The following PIDD1 variants were observed in gnomAD, a reference collection of about 807,000 sequenced individuals.
PIDD1 encodes the protein p53-induced death domain-containing protein 1.
PIDD1 carries 72 observed loss-of-function variants against 80.0 expected under a neutral mutation model. The ratio of observed to expected loss-of-function variants is 0.90; its 90% CI spans 0.74 to 1.09. The LOEUF (loss-of-function observed/expected upper bound fraction) is 1.09, where lower values mean the gene tolerates loss of function less well. Among genes scored for constraint, PIDD1 ranks in the 50% least tolerant of loss-of-function variants. The probability of loss-of-function intolerance (pLI) is 0.00; values close to 1 mark genes in which losing one functional copy is unlikely to be tolerated. For missense variants in PIDD1, 1,329 were observed against 1,228.3 expected (o/e 1.08, Z -1.23); for synonymous variants, 655 against 543.5 (o/e 1.21, Z -2.85).
intron 6 of PIDD1, 41 bp downstream of exon 6, chr11:802,154 G>T: frequency 6.4e-7 from 1 of 1,564,658 alleles, no homozygotes; most frequent in Non-Finnish European, 8.7e-7. Context: ...CCCCTGCCAT[G>T]CCCTGGCCCA....
At chr11:799,635 C>T (rs573253480) in intron 15 of PIDD1, 70 bp from the exon 16 acceptor site, 31 of 1,501,184 alleles carry the variant, frequency 2.1e-5, no homozygotes, top group South Asian at 1.2e-4. Context: ...CACTCTGCCT[C>T]GGAGTGTGGG....
chr11:804,423 C>A lies in PIDD1; in HGVS notation c.-35G>T, dbSNP rs753780852. 3.2e-6 allele frequency: 5 copies of A among 1,551,452 alleles called. No individual in the cohort carries two copies. Among genetic ancestry groups the A allele is most frequent in the Non-Finnish European group, 4.4e-6 (5 of 1,149,062 alleles). On this transcript the variant is annotated 5_prime_UTR_variant, in exon 2 of 16. Coordinates refer to ENST00000347755, the MANE Select transcript of PIDD1 (RefSeq NM_145886.4). Reference sequence around the variant, plus strand: ...ACGGTCCTTGGAGGCCAGACATGTCCCAGCACGCAGGCAGGCCTGTCCAGG... The same window carrying A: ...ACGGTCCTTGGAGGCCAGACATGTCACAGCACGCAGGCAGGCCTGTCCAGG...
chr11:799,467 TCCAGGGCCTGCA>T lies in PIDD1; in HGVS notation c.2561_2572del (p.Val854_Leu857del), dbSNP rs768085499. 2 of 1,609,684 alleles carry T rather than the reference TCCAGGGCCTGCA, an allele frequency of 1.2e-6. No individual in the cohort carries two copies. Among genetic ancestry groups the T allele is most frequent in the Admixed American group, 3.3e-5 (2 of 60,012 alleles). ...AGCCACGTCCTGCCGGTCACTCTGC[TCCAGGGCCTGCA>T]CCAGGAGCCCCACAGCCCCTGGCTG... On this transcript the variant is annotated inframe_deletion, in exon 16 of 16. Transcript: ENST00000347755.
At chr11:806,479 A>G (rs1034001543), upstream of PIDD1, among the ~76,000 whole-genome samples, 4 of 151,492 alleles carry the variant, frequency 2.6e-5, no homozygotes, top group African/African-American at 4.9e-5. Flanking sequence ...TCTTCCTTCC[A>G]TTTCCCAGCT....
At chr11:804,618 G>A (rs1188433997) in intron 1 of PIDD1, 155 bp from the exon 2 acceptor site, 27 of 681,732 alleles carry the variant, frequency 4.0e-5, no homozygotes, top group Non-Finnish European at 5.9e-5. Context: ...GAACCCCGGA[G>A]GCCTGGGTCA....
chr11:803,667 C>G lies in PIDD1; in HGVS notation c.296-80G>C, dbSNP rs1056016489. 23 of 1,507,586 alleles carry G rather than the reference C, an allele frequency of 1.5e-5. No homozygotes were observed. The Admixed American group carries it at 2.6e-4, about 17-fold the overall frequency. The allele number at this position is 1,507,586 out of a possible 1,614,324, so 93.4% of individuals were successfully genotyped here. ...TCGACCCTGCCAGCCAGAGAAACAG[C>G]TGCTCGAGAGGCACAGACCTCCCAC... On this transcript the variant is annotated intron_variant, in intron 2 of 15. Coordinates refer to ENST00000347755, the MANE Select transcript of PIDD1 (RefSeq NM_145886.4).
At position 800,661 on chromosome 11, in the gene PIDD1, G is replaced by A. The variant is rs112432074; in HGVS notation, c.1923C>T (p.Asp641=). The A allele has an allele frequency of 1.6e-5, 25 of 1,582,736 alleles. No homozygotes were observed. The African/African-American group carries it at 1.9e-4, about 12-fold the overall frequency. Residue 641 remains aspartate (D), a synonymous_variant, in exon 12 of 16, where the codon GAC becomes GAT. Transcript: ENST00000347755. ...LLQCLPRNKV[D]ATLRRLLERY... Reference sequence around the variant, plus strand: ...GCTCCAGCAGCCGCCGAAGGGTGGCGTCCACCTGCGGGGAAGCCCGTGCAG... The same window carrying A: ...GCTCCAGCAGCCGCCGAAGGGTGGCATCCACCTGCGGGGAAGCCCGTGCAG...
intron 6 of PIDD1, 21 bp downstream of exon 6, chr11:802,171 GCCC>G: frequency 6.4e-7 from 1 of 1,573,850 alleles, no homozygotes; most frequent in Non-Finnish European, 8.6e-7. Context: ...CCCACACACT[GCCC>G]CCGCCACGCC....
In PIDD1 at chr11:802,270, G is replaced by A. The variant is rs61748609; in HGVS notation, c.1101C>T (p.Leu367=). ...RYRLLLPEPG[L]VPLGPHDALL... ...GGGCGTCATGAGGACCCAGGGGGAC[G>A]AGGCCTGGCTCCGGCAGCAGCAGCC... Residue 367 remains leucine, a synonymous_variant, in exon 6 of 16, where the codon CTC becomes CTT. Transcript: ENST00000347755. 8,050 of 1,611,802 alleles carry A rather than the reference G, an allele frequency of 5.0e-3. 352 individuals carry two copies. The African/African-American group carries it at 0.092, about 18-fold the overall frequency.
Position 800,626 on chromosome 11 carries a change from C to T in PIDD1, c.1958G>A (p.Gly653Asp). The part of the protein sequence containing the change: ...TLRRLLERYR[G>D]PEPSDTVEMF... ...CTCCACCGTGTCAGAGGGCTCGGGG[C>T]CCCGGTACCGCTCCAGCAGCCGCCG... Residue 653 changes from glycine (G) to aspartate (D), a missense_variant, in exon 12 of 16, where the codon GGC becomes GAC. Transcript: ENST00000347755. The T allele has an allele frequency of 1.3e-6, 2 of 1,599,090 alleles. No individual in the cohort carries two copies. Among genetic ancestry groups the T allele is most frequent in the Admixed American group, 1.7e-5 (1 of 59,436 alleles).
At position 799,814 on chromosome 11, in the gene PIDD1, C is replaced by G; in HGVS notation, c.2474+1G>C. ...CAGCCAGCGGGCAGTGGGAGCCTCA[C>G]CGGAACTCGTGCCGGATGCGCTGCA... On this transcript the variant is annotated splice_donor_variant, in intron 15 of 15. Coordinates refer to ENST00000347755, the MANE Select transcript of PIDD1 (RefSeq NM_145886.4). LOFTEE classifies it high-confidence loss of function. The G allele has an allele frequency of 6.4e-7, 1 of 1,567,782 alleles. No individual in the cohort carries two copies. The highest frequency in any genetic ancestry group is 8.6e-7 in the Non-Finnish European group (1 of 1,157,552).
rs903014006 is a variant in PIDD1, at chr11:802,667, T to G, written c.919+15A>C. ...TGTCCTATCCCAGGTCTGCCCCTTC[T>G]AGCACCAAGCCTACCTGGTGAACTC... is the stretch of plus-strand genomic sequence containing the variant. On this transcript the variant is annotated intron_variant, in intron 4 of 15. Coordinates refer to ENST00000347755, the MANE Select transcript of PIDD1 (RefSeq NM_145886.4). 38 of 1,608,308 alleles carry G rather than the reference T, an allele frequency of 2.4e-5. No individual in the cohort carries two copies. Among genetic ancestry groups the G allele is most frequent in the Non-Finnish European group, 3.1e-5 (36 of 1,177,054 alleles).
chr11:808,453 G>A (rs1486498320), upstream of PIDD1, among the ~76,000 whole-genome samples: 1 of 152,194 alleles, frequency 6.6e-6, no homozygotes, highest in Non-Finnish European at 1.5e-5. Flanking sequence ...TTGGGGCCGG[G>A]CGCGGTAGCT....
In PIDD1 at chr11:800,124, G is replaced by A. The variant is rs1406167246; in HGVS notation, c.2274+7C>T. Reference sequence around the variant, plus strand: ...TGCCCCGCCCCTCTGCTGTCCCTCAGTCCCACCGGCAGCTTGATGGGCAGA... The same window carrying A: ...TGCCCCGCCCCTCTGCTGTCCCTCAATCCCACCGGCAGCTTGATGGGCAGA... On this transcript the variant is annotated splice_region_variant and intron_variant, in intron 14 of 15. Transcript: ENST00000347755. The A allele has an allele frequency of 1.2e-6, 2 of 1,609,204 alleles. No homozygotes were observed. The highest frequency in any genetic ancestry group is 3.4e-5 in the Admixed American group (2 of 59,446).
rs1020358769 is a variant in PIDD1 at position 804,452 on chromosome 11, C to T, written c.-64G>A. 5 of 1,509,528 alleles carry T rather than the reference C, an allele frequency of 3.3e-6. No homozygotes were observed. Among genetic ancestry groups the T allele is most frequent in the South Asian group, 1.3e-5 (1 of 76,672 alleles). The allele number at this position is 1,509,528 out of a possible 1,614,324, so 93.5% of individuals were successfully genotyped here. ...CACGCAGGCAGGCCTGTCCAGGCAG[C>T]GCCCGGGGAAGCTGCAGAGGCAGGA... On this transcript the variant is annotated 5_prime_UTR_variant, in exon 2 of 16. Transcript: ENST00000347755.
At position 801,622 on chromosome 11, in the gene PIDD1, C is replaced by T. The variant is rs1865332829; in HGVS notation, c.1305G>A (p.Arg435=). Residue 435 remains arginine, a splice_region_variant and synonymous_variant, in exon 8 of 16, where the codon CGG becomes CGA. Transcript: ENST00000347755. Reference sequence around the variant, plus strand: ...GGGGCACCTGGCAGTGAGCCCAGAGCCGCTGGGATGGGGGAGAGAGGAGGT... The same window carrying T: ...GGGGCACCTGGCAGTGAGCCCAGAGTCGCTGGGATGGGGGAGAGAGGAGGT... ...ETYLEEEAPQ[R]LWAHCQVPHF... 2.6e-6 allele frequency: 4 copies of T among 1,520,104 alleles called. No homozygotes were observed. The highest frequency in any genetic ancestry group is 2.2e-5 in the Admixed American group (1 of 46,176). The allele number at this position is 1,520,104 out of a possible 1,614,324, so 94.2% of individuals were successfully genotyped here. A position where few individuals can be genotyped will look rare whatever the true frequency, so the allele number is the denominator to read the frequency against.
intron 4 of PIDD1, 33 bp downstream of exon 4, chr11:802,649 T>TC (rs751084900): frequency 6.2e-7 from 1 of 1,606,792 alleles, no homozygotes; most frequent in East Asian, 2.2e-5. Context: ...TCATGTCCTA[T>TC]CCCAGGTCTG....
At position 799,776 on chromosome 11, in the gene PIDD1, G is replaced by C. The variant is rs780838315; in HGVS notation, c.2474+39C>G. 1.4e-4 allele frequency: 206 copies of C among 1,491,254 alleles called. No homozygotes were observed. In the Admixed American group the frequency reaches 1.4e-3, roughly 10 times the overall value. 92.4% of individuals were successfully genotyped at this position (1,491,254 alleles called of 1,614,324 possible). A position where few individuals can be genotyped will look rare whatever the true frequency, so the allele number is the denominator to read the frequency against. ...GGGCCCTCCAGGCAGCCAGGGCTCA[G>C]CCCTGGGGCTGGCAGCCAGCGGGCA... is the stretch of plus-strand genomic sequence containing the variant. On this transcript the variant is annotated intron_variant, in intron 15 of 15. Transcript: ENST00000347755.
upstream of PIDD1, among the ~76,000 whole-genome samples, chr11:807,896 CTG>C (rs1231471714): frequency 6.6e-6 from 1 of 152,204 alleles, no homozygotes; most frequent in East Asian, 1.9e-4. Context: ...ATAAACTACT[CTG>C]TATTTATATT....
Sources: allele counts gnomAD v4.1 joint callset (sites outside exome capture counted in the v4.1 genomes callset), GRCh38; gene constraint gnomAD v4.1.1; transcripts MANE v1.5; gene names NCBI Gene and HGNC (gene_info 2026-07-23, HGNC 2026-07-21).